Variants in HGF observed in about 807,000 individuals in gnomAD.
The protein encoded by HGF is fibroblast-derived tumor cytotoxic factor.
Under a neutral mutation model 111.6 loss-of-function variants are expected in HGF, and 39 were observed. That is an observed-to-expected ratio of 0.35 (90% confidence interval 0.27 to 0.46). HGF has a LOEUF of 0.46. HGF is among the 20% of genes least tolerant of loss of function. HGF has a pLI of 1.00. For missense variants in HGF, 735 were observed against 910.5 expected (o/e 0.81, Z 2.48); for synonymous variants, 285 against 294.8 (o/e 0.97, Z 0.34).
At chr7:81,753,290 A>G (rs1401887523) in intron 4 of HGF, among the ~76,000 whole-genome samples, 1 of 152,104 alleles carries the variant, frequency 6.6e-6, no homozygotes, top group Non-Finnish European at 1.5e-5. Context: ...GACTTTACAC[A>G]AAAGATCATA....
intron 1 of HGF, among the ~76,000 whole-genome samples, chr7:81,767,323 T>A (rs1789413533): frequency 6.6e-6 from 1 of 152,070 alleles, no homozygotes; most frequent in Admixed American, 6.6e-5. Context: ...CATAGTTCAT[T>A]CACATACATT....
chr7:81,752,207 G>T lies in HGF; in HGVS notation c.538C>A (p.Pro180Thr). 6.2e-7 allele frequency: 1 copy of T among 1,613,536 alleles called. No homozygotes were observed. Among genetic ancestry groups the T allele is most frequent in the Non-Finnish European group, 8.5e-7 (1 of 1,179,556 alleles). The change falls in exon 5 of 18, where the codon CCT becomes ACT. Residue 180 changes from proline (P) to threonine (T), a missense_variant. By Grantham distance (38) the Pro-to-Thr change is conservative. Around this residue, in one of 3 missense-constraint regions of HGF, gnomAD observed 553 missense variants for 685.6 expected, o/e 0.81. Coordinates refer to ENST00000222390, the MANE Select transcript of HGF (RefSeq NM_000601.6). ...KDLQENYCRN[P>T]RGEEGGPWCF... ...CAGGGTCCCCCTTCTTCCCCTCGAGGATTTCGACAGTAGTTTTCCTGTAGG... is the reference window on the plus strand; with the variant it reads ...CAGGGTCCCCCTTCTTCCCCTCGAGTATTTCGACAGTAGTTTTCCTGTAGG...
At position 81,699,630 on chromosome 7, in the gene HGF, A is replaced by G. The variant is rs1789232649; in HGVS notation, c.*2951T>C. On this transcript the variant is annotated 3_prime_UTR_variant, in exon 18 of 18. Coordinates refer to ENST00000222390, the MANE Select transcript of HGF (RefSeq NM_000601.6). Reference sequence around the variant, plus strand: ...TTTCTTTTAAAAAAGTTTAAAAACAACAATGAAATGCCTGACAGCAATTTC... The same window carrying G: ...TTTCTTTTAAAAAAGTTTAAAAACAGCAATGAAATGCCTGACAGCAATTTC... 1 of 151,714 alleles carries G rather than the reference A, an allele frequency of 6.6e-6. No individual in the cohort carries two copies. The highest frequency in any genetic ancestry group is 1.5e-5 in the Non-Finnish European group (1 of 67,724). 9.4% of individuals were successfully genotyped at this position (151,714 alleles called of 1,614,324 possible).
chr7:81,704,143 T>C (rs1789360225), intron 17 of HGF, among the ~76,000 whole-genome samples: 1 of 151,730 alleles, frequency 6.6e-6, no homozygotes, highest in Non-Finnish European at 1.5e-5. Flanking sequence ...TTTTGAGAAG[T>C]GGCGGAATCT....
intron 11 of HGF, among the ~76,000 whole-genome samples, chr7:81,714,996 C>A (rs1214817254): frequency 2.6e-5 from 4 of 152,202 alleles, no homozygotes; most frequent in African/African-American, 9.6e-5. Context: ...AGTCTTTCAA[C>A]AGCACATTAC....
intron 7 of HGF, 49 bp downstream of exon 7, chr7:81,743,304 A>G: frequency 9.6e-7 from 1 of 1,041,208 alleles, no homozygotes; most frequent in South Asian, 1.3e-5. Flanking sequence ...GCCTGCTTAG[A>G]TCCAGTCTGT....
chr7:81,709,110 A>C (rs1404047177), intron 13 of HGF, among the ~76,000 whole-genome samples: 1 of 152,198 alleles, frequency 6.6e-6, no homozygotes, highest in Non-Finnish European at 1.5e-5. Flanking sequence ...ATTTAATAAT[A>C]GTAACAGACA....
intron 7 of HGF, among the ~76,000 whole-genome samples, chr7:81,741,918 A>T (rs1232889497): frequency 6.9e-6 from 1 of 145,348 alleles, no homozygotes; most frequent in Non-Finnish European, 1.5e-5. Flanking sequence ...AGCTTGGACA[A>T]CAAGAGTGAA....
At chr7:81,744,114 A>G (rs1462904817) in intron 6 of HGF, among the ~76,000 whole-genome samples, 1 of 152,220 alleles carries the variant, frequency 6.6e-6, no homozygotes, top group Admixed American at 6.5e-5. Flanking sequence ...AAATAACACC[A>G]AACAAAAAAG....
chr7:81,707,840 T>G (rs1191606060), intron 13 of HGF, among the ~76,000 whole-genome samples: 1 of 152,140 alleles, frequency 6.6e-6, no homozygotes, highest in Admixed American at 6.6e-5. Flanking sequence ...ATTTCCTTCT[T>G]CTACTACCAT....
chr7:81,709,700 TTTGA>T (rs1285261257), intron 13 of HGF, among the ~76,000 whole-genome samples: 1 of 152,174 alleles, frequency 6.6e-6, no homozygotes, highest in African/African-American at 2.4e-5. Flanking sequence ...CCATTTTTCA[TTTGA>T]TTGACAAGGA....
At chr7:81,719,750 C>T (rs1192151087) in intron 10 of HGF, among the ~76,000 whole-genome samples, 1 of 152,044 alleles carries the variant, frequency 6.6e-6, no homozygotes, top group Non-Finnish European at 1.5e-5. Context: ...TAGAACTATC[C>T]TTTTGTGTGA....
chr7:81,768,275 A>T (rs2116279945), intron 1 of HGF, among the ~76,000 whole-genome samples: 1 of 152,352 alleles, frequency 6.6e-6, no homozygotes, highest in Middle Eastern at 3.4e-3. Context: ...ATTCTACTTA[A>T]GAACAGTGAC....
At chr7:81,747,326 G>A (rs539518699) in intron 5 of HGF, among the ~76,000 whole-genome samples, 14 of 151,824 alleles carry the variant, frequency 9.2e-5, no homozygotes, top group Admixed American at 2.0e-4. Flanking sequence ...GCGACAGAGC[G>A]AGACTCCGTC....
At chr7:81,745,528 A>G (rs961761729) in intron 5 of HGF, among the ~76,000 whole-genome samples, 22 of 152,242 alleles carry the variant, frequency 1.4e-4, no homozygotes, top group African/African-American at 5.3e-4. Context: ...CCCTCCAAAT[A>G]CATACACAGG....
chr7:81,737,622 T>TTA (rs1787875659), intron 7 of HGF, among the ~76,000 whole-genome samples: 1 of 152,080 alleles, frequency 6.6e-6, no homozygotes, highest in South Asian at 2.1e-4. Flanking sequence ...CCAGCTGTCT[T>TTA]CATTTAAGGT....
intron 9 of HGF, 35 bp from the exon 10 acceptor site, chr7:81,720,882 A>G (rs1053320124): frequency 9.2e-7 from 1 of 1,088,182 alleles, no homozygotes; most frequent in Non-Finnish European, 1.4e-6. Context: ...AGTCCAATGA[A>G]TATCAAGGCA....
chr7:81,745,266 G>A (rs965986447), intron 5 of HGF, 146 bp from the exon 6 acceptor site: 32 of 779,536 alleles, frequency 4.1e-5, no homozygotes, highest in Non-Finnish European at 5.0e-5. Flanking sequence ...AGGGCCTAAT[G>A]TCTATAAATA....
intron 7 of HGF, among the ~76,000 whole-genome samples, chr7:81,733,604 G>A (rs1011287591): frequency 6.6e-6 from 1 of 151,968 alleles, no homozygotes; most frequent in Non-Finnish European, 1.5e-5. Context: ...ACTGCTAGAA[G>A]TCACCCCATA....
Sources: gnomAD v4.1 joint callset for allele counts (sites outside exome capture counted in the v4.1 genomes callset) on GRCh38, gnomAD v4.1.1 for gene constraint, gnomAD v4.1.1 regional missense constraint, MANE v1.5 for transcripts, NCBI Gene and HGNC (gene_info 2026-07-23, HGNC 2026-07-21) for gene names.